Variants in EME2 observed in about 807,000 individuals in gnomAD.
EME2 encodes the protein structure-specific endonuclease subunit EME2.
EME2 carries 58 observed loss-of-function variants against 41.9 expected under a neutral mutation model. The observed-to-expected ratio is 1.38, with a 90% CI of 1.12 to 1.72. EME2 has a LOEUF of 1.72. EME2 is among the 40% of genes most tolerant of loss of function. The probability of loss-of-function intolerance (pLI) is 0.00; values close to 1 mark genes in which losing one functional copy is unlikely to be tolerated. For missense variants in EME2, 695 were observed against 541.9 expected (o/e 1.28, Z -2.81); for synonymous variants, 334 against 239.3 (o/e 1.40, Z -3.65).
At position 1,780,243 on chromosome 16, in the gene EME2, C is replaced by T. The variant is rs971100958; in HGVS notation, c.*4005C>T. On this transcript the variant is annotated 3_prime_UTR_variant, in exon 8 of 8. Transcript: ENST00000568449. ...CATGACCCTGCGAGGCCAGGAGAGA[C>T]TGCTCCAGGGCACATGACCTGTGGT... The T allele has an allele frequency of 6.6e-6, 1 of 152,410 alleles. No homozygotes were observed. Among genetic ancestry groups the T allele is most frequent in the African/African-American group, 2.4e-5 (1 of 41,482 alleles). 9.4% of individuals were successfully genotyped at this position (152,410 alleles called of 1,614,324 possible).
At position 1,779,285 on chromosome 16, in the gene EME2, A is replaced by G. The variant is rs544313936; in HGVS notation, c.*3047A>G. On this transcript the variant is annotated 3_prime_UTR_variant, in exon 8 of 8. Coordinates refer to ENST00000568449, the MANE Select transcript of EME2 (RefSeq NM_001257370.2). ...CCTTGTGGGAGGCAGTGCCCCTCCC[A>G]GCCTCCTCCCTGTCACAGACTGTGT... 5.2e-5 allele frequency: 8 copies of G among 152,440 alleles called. No individual in the cohort carries two copies. The highest frequency in any genetic ancestry group is 1.7e-4 in the African/African-American group (7 of 41,554). 9.4% of individuals were successfully genotyped at this position (152,440 alleles called of 1,614,324 possible).
chr16:1,774,335 G>T lies in EME2; in HGVS notation c.460G>T (p.Val154Phe). The change falls in exon 3 of 8, where the codon GTC becomes TTC. Residue 154 changes from valine (V) to phenylalanine (F), a missense_variant. By Grantham distance (50) the Val-to-Phe change is conservative. Transcript: ENST00000568449. ...GGAGCCCGAGGAGTTTCTGCAGGGC[G>T]TCGCCACACTGACCCAGGTGCTCGG... ...LLEPEEFLQGVATLTQISGPT... is the reference protein window; with the variant it reads ...LLEPEEFLQGFATLTQISGPT... 6.2e-7 allele frequency: 1 copy of T among 1,612,696 alleles called. No homozygotes were observed. The highest frequency in any genetic ancestry group is 8.5e-7 in the Non-Finnish European group (1 of 1,179,880).
In EME2 at chr16:1,778,180, T is replaced by G. The variant is rs769068508; in HGVS notation, c.*1942T>G. On this transcript the variant is annotated 3_prime_UTR_variant, in exon 8 of 8. Transcript: ENST00000568449. Reference sequence around the variant, plus strand: ...AGAGGTCATCTTGATCTCCCAGAAGTGCTGGCCCTCCCCCAGCTCCTTGGT... The same window carrying G: ...AGAGGTCATCTTGATCTCCCAGAAGGGCTGGCCCTCCCCCAGCTCCTTGGT... The G allele has an allele frequency of 6.2e-7, 1 of 1,612,982 alleles. No individual in the cohort carries two copies. Among genetic ancestry groups the G allele is most frequent in the Non-Finnish European group, 8.5e-7 (1 of 1,179,932 alleles).
Position 1,775,045 on chromosome 16 carries a change from C to G in EME2, c.482C>G (p.Ser161Cys). 6.2e-7 allele frequency: 1 copy of G among 1,608,954 alleles called. No individual in the cohort carries two copies. Among genetic ancestry groups the G allele is most frequent in the Non-Finnish European group, 8.5e-7 (1 of 1,179,602 alleles). ...GCCACACGTTCTCATCTTCAGATCT[C>G]TGGCCCAACCCACTGGGTGCCCTGG... ...LQGVATLTQI[S>C]GPTHWVPWIS... The change falls in exon 4 of 8, where the codon TCT (serine) becomes TGT (cysteine). Residue 161 changes from serine (S) to cysteine (C), a missense_variant. Transcript: ENST00000568449.
chr16:1,775,115 G>T lies in EME2; in HGVS notation c.552G>T (p.Gly184=). 1 of 1,611,970 alleles carries T rather than the reference G, an allele frequency of 6.2e-7. No individual in the cohort carries two copies. The highest frequency in any genetic ancestry group is 8.5e-7 in the Non-Finnish European group (1 of 1,179,968). The change falls in exon 4 of 8, where the codon GGG becomes GGT. Residue 184 remains glycine (G), a synonymous_variant. Transcript: ENST00000568449. ...CCCGGCCCCACCTGGCTGTCATCGG[G>T]CTGGATGCCTACCTGTGGTACCGCT... ...TTARPHLAVI[G]LDAYLWSRQH... is the part of the protein sequence containing the mutation.
At position 1,779,366 on chromosome 16, in the gene EME2, G is replaced by A. The variant is rs1205018324; in HGVS notation, c.*3128G>A. 6.5e-6 allele frequency: 1 copy of A among 152,700 alleles called. No homozygotes were observed. Among genetic ancestry groups the A allele is most frequent in the Non-Finnish European group, 1.5e-5 (1 of 68,404 alleles). 9.5% of individuals were successfully genotyped at this position (152,700 alleles called of 1,614,324 possible). ...GGGTCAGCAGGGAGAGTGCTAAGTGGTGGCGGGGGGCCTGTGGCAGAGGCC... is the reference window on the plus strand; with the variant it reads ...GGGTCAGCAGGGAGAGTGCTAAGTGATGGCGGGGGGCCTGTGGCAGAGGCC... On this transcript the variant is annotated 3_prime_UTR_variant, in exon 8 of 8. Transcript: ENST00000568449.
In EME2 at chr16:1,776,973, C is replaced by A; in HGVS notation, c.*735C>A. The A allele has an allele frequency of 9.0e-7, 1 of 1,116,154 alleles. No individual in the cohort carries two copies. The highest frequency in any genetic ancestry group is 1.3e-6 in the Non-Finnish European group (1 of 792,122). The allele number at this position is 1,116,154 out of a possible 1,614,324, so 69.1% of individuals were successfully genotyped here. ...TCCCAGCCTCGGGAGCAAGAGATGG[C>A]TCCCTCCGGACGGGCCTCATCCAAC... On this transcript the variant is annotated 3_prime_UTR_variant, in exon 8 of 8. Transcript: ENST00000568449.
Position 1,773,778 on chromosome 16 carries a change from GC to G in EME2, c.325del (p.Gln109SerfsTer49). ...CCCTGGGCTGCGAGTGCCGCATCGA[GC>G]CCCAGCGCCCGGCCCGCAGCCTGCG... Reference protein sequence around the residue: ...EALGCECRIEPQRPARSLRWT... With the variant: ...EALGCECRIEXQRPARSLRWT... On this transcript the variant is annotated frameshift_variant, in exon 2 of 8. Transcript: ENST00000568449. LOFTEE classifies it high-confidence loss of function. 6.4e-7 allele frequency: 1 copy of G among 1,552,018 alleles called. No homozygotes were observed. The highest frequency in any genetic ancestry group is 8.7e-7 in the Non-Finnish European group (1 of 1,149,416).
rs1028153911 is a variant in EME2 at position 1,777,058 on chromosome 16, C to G, written c.*820C>G. The G allele has an allele frequency of 1.5e-5, 24 of 1,589,776 alleles. No homozygotes were observed. In the Admixed American group the frequency reaches 3.6e-4, roughly 24 times the overall value. On this transcript the variant is annotated 3_prime_UTR_variant, in exon 8 of 8. Coordinates refer to ENST00000568449, the MANE Select transcript of EME2 (RefSeq NM_001257370.2). ...AGAAAGAAGGGACAGAGGAAAGGGG[C>G]TGTCCCAGCCCAAGAAGGCAGTTCC...
chr16:1,776,938 G>A lies in EME2; in HGVS notation c.*700G>A, dbSNP rs2042722060. ...GCAGAGGGGCCCTAGAGCCCCCACAGAAAGGACTGTCCCAGCCTCGGGAGC... is the reference window on the plus strand; with the variant it reads ...GCAGAGGGGCCCTAGAGCCCCCACAAAAAGGACTGTCCCAGCCTCGGGAGC... On this transcript the variant is annotated 3_prime_UTR_variant, in exon 8 of 8. Transcript: ENST00000568449. The A allele has an allele frequency of 1.7e-5, 14 of 836,430 alleles. No homozygotes were observed. Among genetic ancestry groups the A allele is most frequent in the South Asian group, 3.6e-5 (2 of 55,716 alleles). The allele number at this position is 836,430 out of a possible 1,614,324, so 51.8% of individuals were successfully genotyped here. A position where few individuals can be genotyped will look rare whatever the true frequency, so the allele number is the denominator to read the frequency against.
In EME2 at chr16:1,781,511, G is replaced by C. The variant is rs1434003340; in HGVS notation, c.*5273G>C. 1.9e-5 allele frequency: 31 copies of C among 1,608,070 alleles called. No homozygotes were observed. Among genetic ancestry groups the C allele is most frequent in the Non-Finnish European group, 2.6e-5 (31 of 1,177,532 alleles). ...TGGAAAGAATCTAGAAGAAAACACA[G>C]GCTCTGGGCAAAGGAAGACTCACAG... is the stretch of plus-strand genomic sequence containing the variant. On this transcript the variant is annotated 3_prime_UTR_variant, in exon 8 of 8. Coordinates refer to ENST00000568449, the MANE Select transcript of EME2 (RefSeq NM_001257370.2).
In EME2 at chr16:1,773,091, AGCC is replaced by A; in HGVS notation, c.-134_-132del. 5.0e-6 allele frequency: 7 copies of A among 1,404,994 alleles called. No individual in the cohort carries two copies. Among genetic ancestry groups the A allele is most frequent in the Non-Finnish European group, 5.5e-6 (6 of 1,084,188 alleles). 87.0% of individuals were successfully genotyped at this position (1,404,994 alleles called of 1,614,324 possible). A position where few individuals can be genotyped will look rare whatever the true frequency, so the allele number is the denominator to read the frequency against. ...CACGCGGCGGGCCAGCTCCGCGATC[AGCC>A]GCGGACGCACCTTCTTCCGCGCCAT... On this transcript the variant is annotated 5_prime_UTR_variant, in exon 1 of 8. Coordinates refer to ENST00000568449, the MANE Select transcript of EME2 (RefSeq NM_001257370.2).
Position 1,773,207 on chromosome 16 carries a change from G to T in EME2, c.-21G>T. 1 of 1,441,632 alleles carries T rather than the reference G, an allele frequency of 6.9e-7. No individual in the cohort carries two copies. Among genetic ancestry groups the T allele is most frequent in the African/African-American group, 1.5e-5 (1 of 67,268 alleles). The allele number at this position is 1,441,632 out of a possible 1,614,324, so 89.3% of individuals were successfully genotyped here. On this transcript the variant is annotated 5_prime_UTR_variant, in exon 1 of 8. Coordinates refer to ENST00000568449, the MANE Select transcript of EME2 (RefSeq NM_001257370.2). Reference sequence around the variant, plus strand: ...AAAGTGTTCGGTCGCGGCCGGAAGCGAGGAAGAGGTCGGTCCGGCCATGGC... The same window carrying T: ...AAAGTGTTCGGTCGCGGCCGGAAGCTAGGAAGAGGTCGGTCCGGCCATGGC...
At chr16:1,773,635 C>T (rs558812921) in intron 1 of EME2, 70 bp from the exon 2 acceptor site, 5 of 1,544,260 alleles carry the variant, frequency 3.2e-6, no homozygotes, top group African/African-American at 1.4e-5. Context: ...CCGGTCCGGC[C>T]ACCCGCCCAG....
Position 1,777,060 on chromosome 16 carries a change from G to T in EME2, c.*822G>T. 1 of 1,595,194 alleles carries T rather than the reference G, an allele frequency of 6.3e-7. No homozygotes were observed. The highest frequency in any genetic ancestry group is 2.2e-5 in the East Asian group (1 of 44,728). ...AAAGAAGGGACAGAGGAAAGGGGCT[G>T]TCCCAGCCCAAGAAGGCAGTTCCAC... On this transcript the variant is annotated 3_prime_UTR_variant, in exon 8 of 8. Transcript: ENST00000568449.
rs755820733 is a variant in EME2, at chr16:1,778,417, G to A, written c.*2179G>A. The A allele has an allele frequency of 1.9e-6, 3 of 1,605,896 alleles. No homozygotes were observed. Among genetic ancestry groups the A allele is most frequent in the Non-Finnish European group, 2.6e-6 (3 of 1,176,264 alleles). ...CGCCCGCAGTGCAGTCCCAGCAGGG[G>A]CTGGGCCCCACGCTCACACTCGTCT... is the stretch of plus-strand genomic sequence containing the variant. On this transcript the variant is annotated 3_prime_UTR_variant, in exon 8 of 8. Coordinates refer to ENST00000568449, the MANE Select transcript of EME2 (RefSeq NM_001257370.2).
rs575698200 is a variant in EME2 at position 1,778,684 on chromosome 16, G to A, written c.*2446G>A. 109 of 1,471,946 alleles carry A rather than the reference G, an allele frequency of 7.4e-5. No homozygotes were observed. In the Admixed American group the frequency reaches 2.5e-3, roughly 34 times the overall value. 91.2% of individuals were successfully genotyped at this position (1,471,946 alleles called of 1,614,324 possible). A position where few individuals can be genotyped will look rare whatever the true frequency, so the allele number is the denominator to read the frequency against. On this transcript the variant is annotated 3_prime_UTR_variant, in exon 8 of 8. Coordinates refer to ENST00000568449, the MANE Select transcript of EME2 (RefSeq NM_001257370.2). The stretch of plus-strand genomic sequence containing the variant: ...CCTCTCACCCTTGCCCTCTGTCCCT[G>A]TCCCACCCTGTCCCTGACCCACCCA...
chr16:1,776,989 C>G lies in EME2; in HGVS notation c.*751C>G. 7.6e-7 allele frequency: 1 copy of G among 1,321,220 alleles called. No homozygotes were observed. The highest frequency in any genetic ancestry group is 1.9e-4 in the Middle Eastern group (1 of 5,264). 81.8% of individuals were successfully genotyped at this position (1,321,220 alleles called of 1,614,324 possible). On this transcript the variant is annotated 3_prime_UTR_variant, in exon 8 of 8. Coordinates refer to ENST00000568449, the MANE Select transcript of EME2 (RefSeq NM_001257370.2). ...AAGAGATGGCTCCCTCCGGACGGGC[C>G]TCATCCAACTCCGCCCTGGAGTGTG...
At position 1,777,526 on chromosome 16, in the gene EME2, T is replaced by C; in HGVS notation, c.*1288T>C. The C allele has an allele frequency of 7.2e-7, 1 of 1,397,656 alleles. No individual in the cohort carries two copies. Among genetic ancestry groups the C allele is most frequent in the South Asian group, 1.5e-5 (1 of 68,272 alleles). 86.6% of individuals were successfully genotyped at this position (1,397,656 alleles called of 1,614,324 possible). On this transcript the variant is annotated 3_prime_UTR_variant, in exon 8 of 8. Transcript: ENST00000568449. ...CAGCCCCTCAGACCTCACGCTACAGTCACCCGGGTGGGCAGCTGGCACAGC... is the reference window on the plus strand; with the variant it reads ...CAGCCCCTCAGACCTCACGCTACAGCCACCCGGGTGGGCAGCTGGCACAGC...
Sources: gnomAD v4.1 joint callset for allele counts on GRCh38, gnomAD v4.1.1 for gene constraint, MANE v1.5 for transcripts, NCBI Gene and HGNC (gene_info 2026-07-23, HGNC 2026-07-21) for gene names.